VAV3: variants seen among roughly 807,000 people sequenced by gnomAD.
VAV3 encodes the protein vav guanine nucleotide exchange factor 3, also known as guanine nucleotide exchange factor VAV3.
In VAV3, 94 loss-of-function variants were observed where a neutral mutation model predicts 131.2. That is an observed-to-expected ratio of 0.72 (90% CI 0.61 to 0.85). The LOEUF is 0.85. Ranked by LOEUF, VAV3 falls within the 40% of genes least tolerant of loss-of-function variation. The pLI, the probability that VAV3 is intolerant of heterozygous loss-of-function variation, is 0.00. For missense variants in VAV3, 939 were observed against 1,002.7 expected (o/e 0.94, Z 0.86); for synonymous variants, 349 against 342.0 (o/e 1.02, Z -0.22).
At chr1:107,593,294 G>A (rs549098520) in intron 25 of VAV3, among the ~76,000 whole-genome samples, 27 of 152,122 alleles carry the variant, frequency 1.8e-4, no homozygotes, top group African/African-American at 3.6e-4. Context: ...AACATTCTAC[G>A]AACATTCTAA....
At chr1:107,853,382 T>C (rs1436315192) in intron 2 of VAV3, among the ~76,000 whole-genome samples, 1 of 152,214 alleles carries the variant, frequency 6.6e-6, no homozygotes, top group Admixed American at 6.6e-5. Context: ...ATTTACCCTT[T>C]ATGGAGAATA....
chr1:107,899,230 G>A (rs1671747662), intron 1 of VAV3, among the ~76,000 whole-genome samples: 1 of 152,140 alleles, frequency 6.6e-6, no homozygotes. Flanking sequence ...CTTTTACTAA[G>A]CATCTAGAAA....
rs114672009 is a variant in VAV3 at position 107,626,820 on chromosome 1, G to A, written c.1915-9188C>T. Among the ~76,000 whole-genome samples the A allele has an allele frequency of 4.8e-3, 738 of 152,236 alleles. 6 individuals are homozygous for A. Among genetic ancestry groups the A allele is most frequent in the African/African-American group, 0.016 (674 of 41,550 alleles). ...CAAAGCAATGAGTCTTTTGGTGTCC[G>A]GAATCAGTTTTCTTAACAAAGGAGA... On this transcript the variant is annotated intron_variant, in intron 20 of 26. Transcript: ENST00000370056.
chr1:107,588,691 A>T (rs1650696481), intron 25 of VAV3, among the ~76,000 whole-genome samples: 1 of 152,222 alleles, frequency 6.6e-6, no homozygotes, highest in African/African-American at 2.4e-5. Context: ...AGCATTTCTT[A>T]TATATCTGTT....
chr1:107,625,254 C>CTTTTTT (rs11331254), intron 20 of VAV3, among the ~76,000 whole-genome samples: 2 of 124,356 alleles, frequency 1.6e-5, no homozygotes. Context: ...GTAATTTAAT[C>CTTTTTT]TTTTTTTTTT....
chr1:107,639,362 A>C (rs566810533), intron 20 of VAV3, among the ~76,000 whole-genome samples: 28 of 147,102 alleles, frequency 1.9e-4, no homozygotes, highest in African/African-American at 5.3e-4. Flanking sequence ...TGTTCTATGT[A>C]TAACATTATC....
At chr1:107,642,584 T>C in intron 20 of VAV3, 35 bp downstream of exon 20, 10 of 1,607,430 alleles carry the variant, frequency 6.2e-6, no homozygotes, top group Non-Finnish European at 8.5e-6. Flanking sequence ...TCTCTTGGGG[T>C]CTGCATCAGG....
intron 19 of VAV3, among the ~76,000 whole-genome samples, chr1:107,679,294 G>A (rs1658439313): frequency 6.6e-6 from 1 of 152,110 alleles, no homozygotes; most frequent in Non-Finnish European, 1.5e-5. Context: ...GTCTAACAAT[G>A]AGCATCTGAG....
At position 107,736,123 on chromosome 1, in the gene VAV3, T is replaced by C. The variant is rs142622124; in HGVS notation, c.1502+12845A>G. Among the ~76,000 whole-genome samples the C allele has an allele frequency of 7.9e-3, 1,204 of 152,276 alleles. 21 individuals are homozygous for C. The highest frequency in any genetic ancestry group is 0.028 in the African/African-American group (1,150 of 41,540). ...GACAAAAATCACATGATTATCTCAA[T>C]AGATGCAGAAAAGGCCTTCAACAAA... On this transcript the variant is annotated intron_variant, in intron 15 of 26. Coordinates refer to ENST00000370056, the MANE Select transcript of VAV3 (RefSeq NM_006113.5).
intron 19 of VAV3, among the ~76,000 whole-genome samples, chr1:107,675,284 G>C (rs910520811): frequency 6.6e-6 from 1 of 152,176 alleles, no homozygotes; most frequent in Admixed American, 6.5e-5. Flanking sequence ...CTTAGTATGT[G>C]CTAAACTTGG....
chr1:107,669,232 G>A, intron 19 of VAV3: 1 of 1,203,786 alleles, frequency 8.3e-7, no homozygotes, highest in Non-Finnish European at 1.0e-6. Flanking sequence ...AAAACATGAA[G>A]TAATCCTTAC....
chr1:107,688,807 T>A (rs888061475), intron 17 of VAV3, among the ~76,000 whole-genome samples: 4 of 152,232 alleles, frequency 2.6e-5, no homozygotes, highest in African/African-American at 9.6e-5. Flanking sequence ...ACAAAGGTAC[T>A]GCATTGACGA....
At chr1:107,840,034 A>G (rs917976240) in intron 2 of VAV3, among the ~76,000 whole-genome samples, 1 of 152,166 alleles carries the variant, frequency 6.6e-6, no homozygotes, top group African/African-American at 2.4e-5. Flanking sequence ...TAACCTTCCA[A>G]AAGAAAACAT....
At chr1:107,641,505 A>G (rs1313690102) in intron 20 of VAV3, among the ~76,000 whole-genome samples, 1 of 152,186 alleles carries the variant, frequency 6.6e-6, no homozygotes, top group African/African-American at 2.4e-5. Context: ...GCTTTACTCA[A>G]TCTTAACATA....
At chr1:107,750,647 C>T (rs1271366471) in intron 13 of VAV3, among the ~76,000 whole-genome samples, 1 of 152,198 alleles carries the variant, frequency 6.6e-6, no homozygotes, top group Non-Finnish European at 1.5e-5. Context: ...TTGATGATTA[C>T]ATATATACAT....
chr1:107,812,913 G>C (rs1327854410), intron 2 of VAV3, among the ~76,000 whole-genome samples: 1 of 152,078 alleles, frequency 6.6e-6, no homozygotes, highest in Non-Finnish European at 1.5e-5. Flanking sequence ...CACGAGATCA[G>C]GAGATTGAGA....
chr1:107,911,916 CGCTGATTTAAACA>C lies in VAV3; in HGVS notation c.205-36912_205-36900del, dbSNP rs140645627. 3.5e-3 allele frequency among the ~76,000 whole-genome samples: 530 copies of C among 152,178 alleles called. 5 individuals are homozygous for C. The highest frequency in any genetic ancestry group is 0.012 in the African/African-American group (505 of 41,488). On this transcript the variant is annotated intron_variant, in intron 1 of 26. Coordinates refer to ENST00000370056, the MANE Select transcript of VAV3 (RefSeq NM_006113.5). ...AACACAATAGACTTACTGCAAACAG[CGCTGATTTAAACA>C]AAAATGTAGTGAATATAGATAAAGG...
chr1:107,858,098 G>C (rs1376889264), intron 2 of VAV3, among the ~76,000 whole-genome samples: 2 of 152,012 alleles, frequency 1.3e-5, no homozygotes, highest in Non-Finnish European at 2.9e-5. Context: ...TTTGAGTTTA[G>C]GGAATTCTTT....
At chr1:107,628,972 A>G (rs11185149) in intron 20 of VAV3, among the ~76,000 whole-genome samples, 58,058 of 152,076 alleles carry the variant, frequency 0.38, 11,570 homozygotes, top group East Asian at 0.48. Context: ...ATTAGTAAGC[A>G]TGAAGTATCA....
Sources: gnomAD v4.1 joint callset for allele counts (sites outside exome capture counted in the v4.1 genomes callset) on GRCh38, gnomAD v4.1.1 for gene constraint, MANE v1.5 for transcripts, NCBI Gene and HGNC (gene_info 2026-07-23, HGNC 2026-07-21) for gene names.